The following CAMTA1 variants were observed in gnomAD, a reference collection of about 807,000 sequenced individuals.
CAMTA1 encodes the protein calmodulin-binding transcription activator 1.
A neutral mutation model predicts 170.9 loss-of-function variants in CAMTA1; 27 were observed. That is an observed-to-expected ratio of 0.16 (90% CI 0.12 to 0.22). The LOEUF is 0.22. Among genes scored for constraint, CAMTA1 ranks in the 10% least tolerant of loss-of-function variants. The pLI is 1.00. For synonymous variants in CAMTA1, 833 were observed against 891.5 expected, an observed-to-expected ratio of 0.93 and a Z score of 1.17; for missense variants, 1,619 against 2,217.2, an observed-to-expected ratio of 0.73 and a Z score of 5.42.
intron 5 of CAMTA1, among the ~76,000 whole-genome samples, chr1:7,457,346 C>T (rs1192455726): frequency 1.3e-5 from 2 of 152,002 alleles, no homozygotes; most frequent in South Asian, 2.1e-4. Context: ...CTCATGTCGT[C>T]GTTAGGCCGG....
At chr1:7,206,412 C>G (rs1016793779) in intron 4 of CAMTA1, among the ~76,000 whole-genome samples, 2 of 152,086 alleles carry the variant, frequency 1.3e-5, no homozygotes, top group African/African-American at 4.8e-5. Context: ...AATAGTTTAT[C>G]TTTATTGTTG....
intron 4 of CAMTA1, among the ~76,000 whole-genome samples, chr1:7,118,716 A>G (rs1644480046): frequency 6.6e-6 from 1 of 152,174 alleles, no homozygotes; most frequent in Non-Finnish European, 1.5e-5. Flanking sequence ...GATGAATAGC[A>G]GCCTGTTTGC....
chr1:7,282,827 CA>C (rs1401866952), intron 5 of CAMTA1, among the ~76,000 whole-genome samples: 2 of 152,106 alleles, frequency 1.3e-5, no homozygotes, highest in East Asian at 3.9e-4. Flanking sequence ...CCATCAGGAA[CA>C]ATGATAGTTT....
intron 6 of CAMTA1, among the ~76,000 whole-genome samples, chr1:7,581,399 T>G (rs147419419): frequency 5.2e-5 from 8 of 152,386 alleles, no homozygotes; most frequent in African/African-American, 1.7e-4. Flanking sequence ...GCGGCTTCAT[T>G]ACTCTGTTCC....
At chr1:7,233,516 C>T (rs535793698) in intron 4 of CAMTA1, among the ~76,000 whole-genome samples, 14 of 152,322 alleles carry the variant, frequency 9.2e-5, no homozygotes, top group African/African-American at 3.4e-4. Context: ...CAAATGCTTT[C>T]AGCGTAATAA....
At position 7,529,360 on chromosome 1, in the gene CAMTA1, C is replaced by T. The variant is rs552945077; in HGVS notation, c.510+61459C>T. Among the ~76,000 whole-genome samples the T allele has an allele frequency of 2.2e-3, 328 of 152,180 alleles. 1 individual carries two copies. Among genetic ancestry groups the T allele is most frequent in the African/African-American group, 6.7e-3 (279 of 41,522 alleles). On this transcript the variant is annotated intron_variant, in intron 6 of 22. Coordinates refer to ENST00000303635, the MANE Select transcript of CAMTA1 (RefSeq NM_015215.4). ...TGTGAGCTGGGGCTCTCTGTCCTCTCGGTGCATACCATGTGGGAATCTGGC... is the reference window on the plus strand; with the variant it reads ...TGTGAGCTGGGGCTCTCTGTCCTCTTGGTGCATACCATGTGGGAATCTGGC...
At chr1:7,031,141 T>C (rs1040727699) in intron 3 of CAMTA1, among the ~76,000 whole-genome samples, 1 of 151,920 alleles carries the variant, frequency 6.6e-6, no homozygotes, top group Admixed American at 6.6e-5. Context: ...TTATGTTTAC[T>C]TGTTTTATTG....
intron 6 of CAMTA1, among the ~76,000 whole-genome samples, chr1:7,500,601 C>T (rs1162001775): frequency 6.6e-6 from 1 of 152,132 alleles, no homozygotes; most frequent in African/African-American, 2.4e-5. Context: ...GGGTCCTGCC[C>T]GCTTCTGTAG....
At chr1:7,481,503 C>T (rs977348802) in intron 6 of CAMTA1, among the ~76,000 whole-genome samples, 1 of 152,206 alleles carries the variant, frequency 6.6e-6, no homozygotes, top group Non-Finnish European at 1.5e-5. Flanking sequence ...TCAAAGCCCT[C>T]TTGACACTCC....
chr1:7,442,545 A>G (rs2092572449), intron 5 of CAMTA1, among the ~76,000 whole-genome samples: 1 of 152,180 alleles, frequency 6.6e-6, no homozygotes, highest in African/African-American at 2.4e-5. Context: ...AGAATCTGCT[A>G]GAAAAAGAGG....
At chr1:6,902,072 C>CACACACACACACA (rs3986505) in intron 3 of CAMTA1, among the ~76,000 whole-genome samples, 19 of 88,452 alleles carry the variant, frequency 2.1e-4, no homozygotes, top group African/African-American at 5.4e-4. Context: ...CACACACACA[C>CACACACACACACA]AAAAAAAAAA....
At chr1:7,669,598 C>A (rs1184802269) in intron 9 of CAMTA1, among the ~76,000 whole-genome samples, 2 of 152,198 alleles carry the variant, frequency 1.3e-5, no homozygotes, top group Non-Finnish European at 2.9e-5. Context: ...CTCCTCACCC[C>A]CACCTCCCAG....
rs1455614929 is a variant in CAMTA1 at position 7,768,615 on chromosome 1, C to T, written c.*2124C>T. On this transcript the variant is annotated 3_prime_UTR_variant, in exon 23 of 23. Coordinates refer to ENST00000303635, the MANE Select transcript of CAMTA1 (RefSeq NM_015215.4). Reference sequence around the variant, plus strand: ...AATTGTACTTGTTTTTTAATTACTTCCTTTCACTGCCAACCTCGAATTACT... The same window carrying T: ...AATTGTACTTGTTTTTTAATTACTTTCTTTCACTGCCAACCTCGAATTACT... 2.6e-5 allele frequency: 4 copies of T among 152,654 alleles called. No homozygotes were observed. Among genetic ancestry groups the T allele is most frequent in the Admixed American group, 2.0e-4 (3 of 15,266 alleles). The allele number at this position is 152,654 out of a possible 1,614,324, so 9.5% of individuals were successfully genotyped here. A position where few individuals can be genotyped will look rare whatever the true frequency, so the allele number is the denominator to read the frequency against.
At chr1:7,703,170 G>A (rs1334802370) in intron 11 of CAMTA1, among the ~76,000 whole-genome samples, 1 of 152,214 alleles carries the variant, frequency 6.6e-6, no homozygotes, top group East Asian at 1.9e-4. Flanking sequence ...GAGAGCGTCA[G>A]GAAAAGCCAC....
chr1:6,802,635 A>G (rs1644001702), intron 1 of CAMTA1, among the ~76,000 whole-genome samples: 1 of 152,244 alleles, frequency 6.6e-6, no homozygotes, highest in South Asian at 2.1e-4. Flanking sequence ...GTAGCTACAG[A>G]TAGAAGGCCA....
rs943435058 is a variant in CAMTA1, at chr1:7,699,780, A to G, written c.2914+22047A>G. Among the ~76,000 whole-genome samples, 7 of 152,230 alleles carry G rather than the reference A, an allele frequency of 4.6e-5. 1 individual carries two copies. The highest frequency in any genetic ancestry group is 3.3e-4 in the Admixed American group (5 of 15,286). ...TCCTCAGTGACTTTGATTTCCTCAA[A>G]TCAAATGTTGAGCATTATTGATTAT... On this transcript the variant is annotated intron_variant, in intron 11 of 22. Coordinates refer to ENST00000303635, the MANE Select transcript of CAMTA1 (RefSeq NM_015215.4).
intron 6 of CAMTA1, among the ~76,000 whole-genome samples, chr1:7,601,057 G>A (rs1032003169): frequency 1.8e-4 from 28 of 152,134 alleles, no homozygotes; most frequent in African/African-American, 4.8e-4. Flanking sequence ...CGGTAGGGGC[G>A]GCCGGGCAGA....
In CAMTA1 at chr1:6,945,505, C is replaced by T. The variant is rs571502899; in HGVS notation, c.234+120295C>T. ...CTGGGACCACAGGTGTGCACCACTACGCCTGGATAATTTTTGTATTTTTTG... is the reference window on the plus strand; with the variant it reads ...CTGGGACCACAGGTGTGCACCACTATGCCTGGATAATTTTTGTATTTTTTG... On this transcript the variant is annotated intron_variant, in intron 3 of 22. Transcript: ENST00000303635. Among the ~76,000 whole-genome samples the T allele has an allele frequency of 3.9e-4, 60 of 152,112 alleles. 2 individuals carry two copies. Among genetic ancestry groups the T allele is most frequent in the African/African-American group, 1.4e-3 (57 of 41,482 alleles).
At chr1:7,654,327 C>T (rs2095865536) in intron 7 of CAMTA1, among the ~76,000 whole-genome samples, 1 of 152,020 alleles carries the variant, frequency 6.6e-6, no homozygotes, top group Non-Finnish European at 1.5e-5. Flanking sequence ...TTGCAGTGAG[C>T]TCAGATTGCA....
Sources: allele counts gnomAD v4.1 joint callset (sites outside exome capture counted in the v4.1 genomes callset), GRCh38; gene constraint gnomAD v4.1.1; transcripts MANE v1.5; gene names NCBI Gene and HGNC (gene_info 2026-07-23, HGNC 2026-07-21).